Variants in SLC71A2 observed in about 807,000 individuals in gnomAD.
SLC71A2 encodes the protein hippocampus abundant transcript-like 1.
the SLC71A2 span, among the ~76,000 whole-genome samples, chr9:94,409,176 T>TG: frequency 3.1e-5 from 4 of 128,122 alleles, no homozygotes; most frequent in African/African-American, 1.2e-4. Context: ...TTTCACTCCC[T>TG]TCTCCCAGAC....
At chr9:94,384,877 T>C in the SLC71A2 span, among the ~76,000 whole-genome samples, 1 of 152,064 alleles carries the variant, frequency 6.6e-6, no homozygotes. Flanking sequence ...GCCCTGCCCT[T>C]AATTAATGGA....
chr9:94,387,953 T>C, the SLC71A2 span, among the ~76,000 whole-genome samples: 1 of 152,242 alleles, frequency 6.6e-6, no homozygotes, highest in Non-Finnish European at 1.5e-5. Flanking sequence ...GACTAATTGC[T>C]TCAATTTAAA....
chr9:94,390,505 C>T, the SLC71A2 span, among the ~76,000 whole-genome samples: 1,134 of 151,336 alleles, frequency 7.5e-3, 18 homozygotes, highest in African/African-American at 0.026. Context: ...ATAGTTGAAG[C>T]TGCATCAAGA....
the SLC71A2 span, among the ~76,000 whole-genome samples, chr9:94,418,499 G>A: frequency 2.6e-5 from 4 of 152,114 alleles, no homozygotes; most frequent in African/African-American, 9.7e-5. Flanking sequence ...CTGGAGTGCA[G>A]TGGCATGATC....
the SLC71A2 span, among the ~76,000 whole-genome samples, chr9:94,447,479 CTG>C: frequency 0.24 from 31,847 of 131,126 alleles, 3,667 homozygotes; most frequent in Non-Finnish European, 0.27. Context: ...TGTGCCCAGC[CTG>C]TTTTTTTTTT....
chr9:94,447,127 C>A, the SLC71A2 span, among the ~76,000 whole-genome samples: 1 of 151,890 alleles, frequency 6.6e-6, no homozygotes, highest in Non-Finnish European at 1.5e-5. Context: ...AAGATAATTA[C>A]TGTGGAAATT....
chr9:94,457,124 C>T, the SLC71A2 span, among the ~76,000 whole-genome samples: 1 of 152,064 alleles, frequency 6.6e-6, no homozygotes, highest in Non-Finnish European at 1.5e-5. Context: ...ACTACCATGC[C>T]CAGCTAATTT....
the SLC71A2 span, among the ~76,000 whole-genome samples, chr9:94,434,264 A>T: frequency 6.6e-6 from 1 of 152,174 alleles, no homozygotes. Context: ...CTAATGTGCA[A>T]CAATATAATC....
chr9:94,384,150 A>G, the SLC71A2 span, among the ~76,000 whole-genome samples: 1 of 151,956 alleles, frequency 6.6e-6, no homozygotes, highest in Admixed American at 6.6e-5. Context: ...CAACAACTCC[A>G]TTTTTTGCCA....
At chr9:94,405,211 C>T in the SLC71A2 span, among the ~76,000 whole-genome samples, 1 of 151,898 alleles carries the variant, frequency 6.6e-6, no homozygotes, top group South Asian at 2.1e-4. Flanking sequence ...TTTTAAAAGA[C>T]TAGGCCGGGC....
the SLC71A2 span, among the ~76,000 whole-genome samples, chr9:94,410,418 CT>C: frequency 1.1e-4 from 16 of 151,508 alleles, no homozygotes; most frequent in African/African-American, 3.4e-4. Flanking sequence ...TTTTCCCCCC[CT>C]AAGAGATGGG....
At chr9:94,416,018 T>C in the SLC71A2 span, among the ~76,000 whole-genome samples, 1 of 152,226 alleles carries the variant, frequency 6.6e-6, no homozygotes, top group East Asian at 1.9e-4. Context: ...TCGTAGCTTA[T>C]CTATAGCCAT....
At chr9:94,433,133 A>G in the SLC71A2 span, 1 of 272,578 alleles carries the variant, frequency 3.7e-6, no homozygotes, top group Non-Finnish European at 7.3e-6. Flanking sequence ...GCGCAGGGCC[A>G]CTGAGCAGCT....
At chr9:94,431,612 C>A in the SLC71A2 span, among the ~76,000 whole-genome samples, 1 of 151,242 alleles carries the variant, frequency 6.6e-6, no homozygotes, top group Non-Finnish European at 1.5e-5. Flanking sequence ...CATAAATAGA[C>A]CAAAGGCTAC....
chr9:94,458,579 C>A, the SLC71A2 span: 1 of 1,022,994 alleles, frequency 9.8e-7, no homozygotes. Flanking sequence ...TTTTATTTGG[C>A]AGCAATAAGT....
chr9:94,436,522 A>C, the SLC71A2 span, among the ~76,000 whole-genome samples: 1 of 152,228 alleles, frequency 6.6e-6, no homozygotes, highest in Non-Finnish European at 1.5e-5. Context: ...TTTTATATAA[A>C]GTATTAATAA....
chr9:94,441,104 G>C, the SLC71A2 span: 3 of 1,451,782 alleles, frequency 2.1e-6, no homozygotes, highest in Non-Finnish European at 2.9e-6. Flanking sequence ...GGATGGGTAA[G>C]ATAATAGACT....
chr9:94,458,999 A>G, the SLC71A2 span, among the ~76,000 whole-genome samples: 1 of 152,302 alleles, frequency 6.6e-6, no homozygotes, highest in South Asian at 2.1e-4. Context: ...TATTCCAAAC[A>G]CCAAGCTCTA....
At chr9:94,405,322 C>T in the SLC71A2 span, among the ~76,000 whole-genome samples, 5 of 151,864 alleles carry the variant, frequency 3.3e-5, no homozygotes, top group African/African-American at 9.7e-5. Flanking sequence ...GGTGAAACCC[C>T]GTCTTTACTA....
Sources: gnomAD v4.1 joint callset for allele counts (sites outside exome capture counted in the v4.1 genomes callset) on GRCh38, gnomAD v4.1.1 for gene constraint, MANE v1.5 for transcripts, NCBI Gene and HGNC (gene_info 2026-07-23, HGNC 2026-07-21) for gene names.